OLFM1: variants seen among roughly 807,000 people sequenced by gnomAD.
OLFM1 encodes the protein noelin.
A neutral mutation model predicts 49.7 loss-of-function variants in OLFM1; 9 were observed. The ratio of observed to expected loss-of-function variants is 0.18; its 90% CI spans 0.11 to 0.32. OLFM1 has a LOEUF of 0.32. Ranked by LOEUF, OLFM1 falls within the 10% of genes least tolerant of loss-of-function variation. OLFM1 has a pLI of 1.00. For synonymous variants in OLFM1, 240 were observed against 271.8 expected (o/e 0.88, Z 1.15); for missense variants, 369 against 661.8 (o/e 0.56, Z 4.85).
At chr9:135,087,153 G>A (rs1299287381), upstream of OLFM1, 3 of 1,249,216 alleles carry the variant, frequency 2.4e-6, no homozygotes, top group African/African-American at 3.1e-5. Context: ...CTCCACCGAT[G>A]CCCCGACGCC....
chr9:135,119,542 A>G lies in OLFM1; in HGVS notation c.822A>G (p.Val274=). The part of the protein sequence containing the change: ...YMDGYHNNRF[V]REYKSMVDFM... ...ACGGCTATCACAACAACCGCTTCGT[A>G]CGTGAGTACAAGTCCATGGTTGACT... Residue 274 remains valine (V), a synonymous_variant, in exon 6 of 6, where the codon GTA becomes GTG. Coordinates refer to ENST00000371793, the MANE Select transcript of OLFM1 (RefSeq NM_001282611.2). 1 of 1,613,412 alleles carries G rather than the reference A, an allele frequency of 6.2e-7. No homozygotes were observed. Among genetic ancestry groups the G allele is most frequent in the Non-Finnish European group, 8.5e-7 (1 of 1,179,540 alleles).
rs1451821259 is a variant in OLFM1 at position 135,088,557 on chromosome 9, C to T, written c.150+418C>T. On this transcript the variant is annotated intron_variant, in intron 1 of 5. Coordinates refer to ENST00000371793, the MANE Select transcript of OLFM1 (RefSeq NM_001282611.2). This position sits in a 1 kb window ranked among gnomAD's most constrained non-coding sequence, Gnocchi z 4.8. ...TGAGGGGTGGAGCCGCCGCTAGACC[C>T]TAGTCTGGGCTCGGTCCAGCGGGGA... Among the ~76,000 whole-genome samples, 1 of 152,096 alleles carries T rather than the reference C, an allele frequency of 6.6e-6. No homozygotes were observed. The highest frequency in any genetic ancestry group is 2.4e-5 in the African/African-American group (1 of 41,428).
upstream of OLFM1, among the ~76,000 whole-genome samples, chr9:135,086,979 G>T (rs1830605685): frequency 6.6e-6 from 1 of 152,240 alleles, no homozygotes; most frequent in African/African-American, 2.4e-5. Context: ...CTCCTGCCGG[G>T]TGTGCGCCCT....
intron 1 of OLFM1, among the ~76,000 whole-genome samples, chr9:135,078,377 G>T (rs1229197101): frequency 6.6e-6 from 1 of 152,214 alleles, no homozygotes; most frequent in Non-Finnish European, 1.5e-5. Flanking sequence ...GATCCTACCT[G>T]CACTTAAGAA....
At chr9:135,084,192 G>C (rs559205625), upstream of OLFM1, among the ~76,000 whole-genome samples, 1 of 152,364 alleles carries the variant, frequency 6.6e-6, no homozygotes, top group South Asian at 2.1e-4. The surrounding 1 kb of genome is among the most constrained non-coding windows in gnomAD (Gnocchi z 4.6). Context: ...CTTGCTCCTG[G>C]AATGTTCCAG....
At chr9:135,093,919 C>T (rs755662938) in intron 2 of OLFM1, among the ~76,000 whole-genome samples, 24 of 152,192 alleles carry the variant, frequency 1.6e-4, no homozygotes, top group Non-Finnish European at 3.4e-4. Flanking sequence ...AGCTGAATAG[C>T]TTGGTATCTT....
intron 1 of OLFM1, among the ~76,000 whole-genome samples, chr9:135,089,279 C>T (rs1830647502): frequency 6.6e-6 from 1 of 152,196 alleles, no homozygotes. Context: ...TTCTACCCGC[C>T]CAACTTCTCC....
At chr9:135,101,852 C>A (rs1370027914) in intron 4 of OLFM1, among the ~76,000 whole-genome samples, 1 of 152,224 alleles carries the variant, frequency 6.6e-6, no homozygotes, top group Non-Finnish European at 1.5e-5. Flanking sequence ...CCTCCGTGGT[C>A]CTCTCTATAA....
chr9:135,086,557 G>C, upstream of OLFM1: 1 of 454,710 alleles, frequency 2.2e-6, no homozygotes, highest in Non-Finnish European at 4.4e-6. Context: ...GAAGAGTGTA[G>C]TGAGTGATCT....
In OLFM1 at chr9:135,087,671, G is replaced by T. The variant is rs1314679866; in HGVS notation, c.-319G>T. On this transcript the variant is annotated 5_prime_UTR_variant, in exon 1 of 6. Coordinates refer to ENST00000371793, the MANE Select transcript of OLFM1 (RefSeq NM_001282611.2). The stretch of plus-strand genomic sequence containing the variant: ...GCGCGCAGCCCGCGCAGCGCTCAGA[G>T]CCGGACGGCGCTTCCCGGTGGCGGC... The T allele has an allele frequency of 6.4e-6, 3 of 467,432 alleles. No homozygotes were observed. Among genetic ancestry groups the T allele is most frequent in the African/African-American group, 4.2e-5 (2 of 48,104 alleles). 29.0% of individuals were successfully genotyped at this position (467,432 alleles called of 1,614,324 possible).
chr9:135,119,419 T>C, intron 5 of OLFM1, 85 bp from the exon 6 acceptor site: 1 of 1,174,140 alleles, frequency 8.5e-7, no homozygotes. Context: ...GAGTACTCAC[T>C]GGATCTTTGG....
At chr9:135,084,501 T>C (rs1187322243), upstream of OLFM1, among the ~76,000 whole-genome samples, 4 of 57,326 alleles carry the variant, frequency 7.0e-5, no homozygotes, top group East Asian at 2.8e-3. This position sits in a 1 kb window ranked among gnomAD's most constrained non-coding sequence, Gnocchi z 4.6. Context: ...TCCTCTCTTC[T>C]CTCTCCTCTC....
intron 4 of OLFM1, among the ~76,000 whole-genome samples, chr9:135,104,749 C>T (rs1466512328): frequency 3.9e-5 from 6 of 152,184 alleles, no homozygotes; most frequent in Admixed American, 6.5e-5. Context: ...CTGTCTCCCC[C>T]GAAGCCCAGG....
chr9:135,078,048 G>C (rs1830490141), intron 1 of OLFM1, among the ~76,000 whole-genome samples: 1 of 152,212 alleles, frequency 6.6e-6, no homozygotes, highest in Non-Finnish European at 1.5e-5. Context: ...TGTGGGGGCA[G>C]GACCAGCCTG....
rs888928605 is a variant in OLFM1, at chr9:135,088,674, C to G, written c.150+535C>G. On this transcript the variant is annotated intron_variant, in intron 1 of 5. Coordinates refer to ENST00000371793, the MANE Select transcript of OLFM1 (RefSeq NM_001282611.2). This position sits in a 1 kb window ranked among gnomAD's most constrained non-coding sequence, Gnocchi z 4.8. ...TGGGCTCCGGAGCTCCTGCCCGCGC[C>G]TGCATTCCCAAAGTCCCAAGGCGCC... 6.6e-6 allele frequency among the ~76,000 whole-genome samples: 1 copy of G among 152,152 alleles called. No homozygotes were observed. Among genetic ancestry groups the G allele is most frequent in the Non-Finnish European group, 1.5e-5 (1 of 68,012 alleles).
In OLFM1 at chr9:135,098,529, G is replaced by T. The variant is rs373983526; in HGVS notation, c.676+24G>T. ...AGGTAGGCCCAGTACCCTGCGGGAC[G>T]TGGCGCTGCACTGCCCACCTCCGGC... On this transcript the variant is annotated intron_variant, in intron 4 of 5. Transcript: ENST00000371793. The surrounding 1 kb of genome is among the most constrained non-coding windows in gnomAD (Gnocchi z 5.6). The T allele has an allele frequency of 6.3e-7, 1 of 1,595,226 alleles. No homozygotes were observed. Among genetic ancestry groups the T allele is most frequent in the Admixed American group, 1.7e-5 (1 of 59,942 alleles).
chr9:135,087,699 A>C lies in OLFM1; in HGVS notation c.-291A>C, dbSNP rs867952081. On this transcript the variant is annotated 5_prime_UTR_variant, in exon 1 of 6. Coordinates refer to ENST00000371793, the MANE Select transcript of OLFM1 (RefSeq NM_001282611.2). ...GGACGGCGCTTCCCGGTGGCGGCGG[A>C]GGAGCCCGGAGGGACGCAGCCGGGC... The C allele has an allele frequency of 2.0e-3, 789 of 389,580 alleles. 7 individuals are homozygous for C. The highest frequency in any genetic ancestry group is 0.016 in the African/African-American group (733 of 45,850). The allele number at this position is 389,580 out of a possible 1,614,324, so 24.1% of individuals were successfully genotyped here.
At chr9:135,093,111 C>G (rs756033336) in intron 2 of OLFM1, among the ~76,000 whole-genome samples, 4 of 152,184 alleles carry the variant, frequency 2.6e-5, no homozygotes, top group Non-Finnish European at 5.9e-5. Context: ...CCTGGTGAGG[C>G]TGCAAGGTAC....
intron 5 of OLFM1, among the ~76,000 whole-genome samples, chr9:135,108,531 G>C (rs1326974178): frequency 1.3e-5 from 2 of 151,950 alleles, no homozygotes; most frequent in South Asian, 2.1e-4. Context: ...GACTCCGGAG[G>C]CTGAGGCATA....
Sources: allele counts gnomAD v4.1 joint callset (sites outside exome capture counted in the v4.1 genomes callset), GRCh38; gene constraint gnomAD v4.1.1; non-coding constraint Gnocchi (gnomAD v3.1); transcripts MANE v1.5; gene names NCBI Gene and HGNC (gene_info 2026-07-23, HGNC 2026-07-21).